NSUN7: variants seen among roughly 807,000 people sequenced by gnomAD.
NSUN7 encodes the protein NOP2/Sun RNA methyltransferase family member 7, also known as protein NSUN7.
Under a neutral mutation model 58.5 loss-of-function variants are expected in NSUN7, and 39 were observed. The observed-to-expected ratio is 0.67, with a 90% CI of 0.52 to 0.87. The LOEUF is 0.87. NSUN7 is among the 40% of genes least tolerant of loss of function. The pLI is 0.00. For synonymous variants in NSUN7, 278 were observed against 303.7 expected (o/e 0.92, Z 0.88); for missense variants, 765 against 844.1 (o/e 0.91, Z 1.16).
chr4:40,754,362 GGT>G (rs1298197237), intron 2 of NSUN7, among the ~76,000 whole-genome samples: 1 of 152,044 alleles, frequency 6.6e-6, no homozygotes. Context: ...TGGCCAGGCT[GGT>G]CTTGAACTCC....
At chr4:40,792,043 C>G (rs1034491301) in intron 8 of NSUN7, among the ~76,000 whole-genome samples, 1 of 152,132 alleles carries the variant, frequency 6.6e-6, no homozygotes, top group African/African-American at 2.4e-5. Context: ...TTTTGACTTG[C>G]TATAGAAAAT....
At chr4:40,776,751 G>A (rs1210342555) in intron 7 of NSUN7, among the ~76,000 whole-genome samples, 1 of 151,992 alleles carries the variant, frequency 6.6e-6, no homozygotes, top group East Asian at 1.9e-4. Context: ...AAGTAGCTGT[G>A]ACTACAGGCT....
Position 40,778,627 on chromosome 4 carries a change from G to A in NSUN7, c.1036+2368G>A, listed in dbSNP as rs191590562. ...TGGTGCCTTGATCTTCAACTTCCTA[G>A]TCTCCAGACTTGTGAGAAATAAAAT... On this transcript the variant is annotated intron_variant, in intron 7 of 11. Coordinates refer to ENST00000381782, the MANE Select transcript of NSUN7 (RefSeq NM_024677.6). Among the ~76,000 whole-genome samples the A allele has an allele frequency of 4.0e-3, 606 of 152,268 alleles. 3 individuals carry two copies. Among genetic ancestry groups the A allele is most frequent in the African/African-American group, 0.013 (529 of 41,538 alleles).
intron 4 of NSUN7, among the ~76,000 whole-genome samples, chr4:40,763,961 G>T (rs1741583016): frequency 6.6e-6 from 1 of 152,254 alleles, no homozygotes; most frequent in African/African-American, 2.4e-5. Flanking sequence ...CCTATGTTTA[G>T]TGATTGAATT....
intron 7 of NSUN7, among the ~76,000 whole-genome samples, chr4:40,780,784 CACATACACATATATAT>C (rs1480018665): frequency 1.1e-3 from 87 of 78,820 alleles, no homozygotes; most frequent in Non-Finnish European, 1.6e-3. Context: ...CACACACACA[CACATACACATATATAT>C]ATATATATAT....
rs1485902919 is a variant in NSUN7 at position 40,783,846 on chromosome 4, T to A, written c.1037-6756T>A. 3.1e-4 allele frequency among the ~76,000 whole-genome samples: 44 copies of A among 142,448 alleles called. 1 individual carries two copies. Among genetic ancestry groups the A allele is most frequent in the Admixed American group, 2.1e-3 (30 of 14,068 alleles). 93.5% of individuals were successfully genotyped at this position (142,448 alleles called of 152,430 possible). A position where few individuals can be genotyped will look rare whatever the true frequency, so the allele number is the denominator to read the frequency against. On this transcript the variant is annotated intron_variant, in intron 7 of 11. Transcript: ENST00000381782. ...CTAGGCAACAGAGCGAGAATCCATTTAAAAAAAAAAAAAAAGATAACTCAC... is the reference window on the plus strand; with the variant it reads ...CTAGGCAACAGAGCGAGAATCCATTAAAAAAAAAAAAAAAAGATAACTCAC...
At chr4:40,753,654 T>C (rs190528088) in intron 2 of NSUN7, among the ~76,000 whole-genome samples, 16 of 152,322 alleles carry the variant, frequency 1.1e-4, no homozygotes, top group Admixed American at 9.2e-4. Flanking sequence ...GGTAAGATGG[T>C]ATTGTTTACT....
chr4:40,803,295 T>C (rs1331334189), intron 10 of NSUN7, among the ~76,000 whole-genome samples: 1 of 152,212 alleles, frequency 6.6e-6, no homozygotes, highest in African/African-American at 2.4e-5. Context: ...CCTTTGGGTA[T>C]ATACCCAGTA....
At chr4:40,802,467 G>C (rs144530254) in intron 10 of NSUN7, among the ~76,000 whole-genome samples, 1 of 152,282 alleles carries the variant, frequency 6.6e-6, no homozygotes, top group African/African-American at 2.4e-5. Context: ...TAGGGTTCTG[G>C]AGGTCCCTTG....
Position 40,794,542 on chromosome 4 carries a change from C to T in NSUN7, c.1282+66C>T, listed in dbSNP as rs147692505. 1.7e-3 allele frequency: 1,586 copies of T among 957,212 alleles called. 16 individuals are homozygous for T. In the African/African-American group the frequency reaches 0.022, roughly 13 times the overall value. 59.3% of individuals were successfully genotyped at this position (957,212 alleles called of 1,614,324 possible). A position where few individuals can be genotyped will look rare whatever the true frequency, so the allele number is the denominator to read the frequency against. On this transcript the variant is annotated intron_variant, in intron 9 of 11. Coordinates refer to ENST00000381782, the MANE Select transcript of NSUN7 (RefSeq NM_024677.6). ...ACATTTTAGAAATATTAGTCTTTCA[C>T]GATCTATTATAATCAAGCAATGAAG...
chr4:40,787,500 G>A (rs1742887559), intron 7 of NSUN7, among the ~76,000 whole-genome samples: 1 of 152,078 alleles, frequency 6.6e-6, no homozygotes, highest in Non-Finnish European at 1.5e-5. Flanking sequence ...AAGATACTAT[G>A]AGCAATTTTA....
Position 40,808,496 on chromosome 4 carries a change from C to T in NSUN7, c.1714C>T (p.Arg572Ter). The T allele has an allele frequency of 4.5e-6, 7 of 1,559,296 alleles. No individual in the cohort carries two copies. The highest frequency in any genetic ancestry group is 6.1e-6 in the Non-Finnish European group (7 of 1,150,028). Reference sequence around the variant, plus strand: ...AATGAAAATTGCTGAGTTCCTGAATCGAGAAACTAAAGCCAGTGCTAATCT... The same window carrying T: ...AATGAAAATTGCTGAGTTCCTGAATTGAGAAACTAAAGCCAGTGCTAATCT... Reference protein sequence around the residue: ...IQMKIAEFLNRETKASANLSE... With the variant: ...IQMKIAEFLN Residue 572 changes from arginine (R) to a stop codon, truncating the protein, a stop_gained, in exon 12 of 12, where the codon CGA becomes TGA. Transcript: ENST00000381782. LOFTEE classifies it low-confidence loss of function (END_TRUNC).
intron 9 of NSUN7, among the ~76,000 whole-genome samples, chr4:40,796,594 CA>C (rs1382203874): frequency 3.9e-5 from 6 of 152,116 alleles, no homozygotes; most frequent in Non-Finnish European, 8.8e-5. Context: ...CACCTCACTG[CA>C]CTCCAGCCTA....
intron 4 of NSUN7, among the ~76,000 whole-genome samples, chr4:40,761,649 TA>T (rs768508395): frequency 7.9e-5 from 12 of 152,134 alleles, no homozygotes; most frequent in Non-Finnish European, 1.8e-4. Flanking sequence ...AGAAAACATC[TA>T]ACATGAATCA....
At chr4:40,804,270 T>TACTAAA (rs1743725171) in intron 10 of NSUN7, among the ~76,000 whole-genome samples, 1 of 151,740 alleles carries the variant, frequency 6.6e-6, no homozygotes, top group Non-Finnish European at 1.5e-5. Flanking sequence ...CAAAACCCCG[T>TACTAAA]CTCTACTAAA....
At chr4:40,791,798 C>A (rs1464801402) in intron 8 of NSUN7, among the ~76,000 whole-genome samples, 1 of 152,208 alleles carries the variant, frequency 6.6e-6, no homozygotes, top group Middle Eastern at 3.4e-3. Flanking sequence ...ATGTCCCAGG[C>A]AATATTCTAG....
intron 7 of NSUN7, among the ~76,000 whole-genome samples, chr4:40,787,299 A>G (rs1393208439): frequency 6.6e-6 from 1 of 151,978 alleles, no homozygotes; most frequent in East Asian, 1.9e-4. Flanking sequence ...CTCTCCGAGA[A>G]ACACCCAAGA....
intron 7 of NSUN7, among the ~76,000 whole-genome samples, chr4:40,783,567 G>A (rs1226009553): frequency 6.6e-6 from 1 of 152,144 alleles, no homozygotes; most frequent in Non-Finnish European, 1.5e-5. Context: ...GAAAAGACTG[G>A]CCAGGCACGG....
chr4:40,789,236 A>T (rs1223104614), intron 7 of NSUN7, among the ~76,000 whole-genome samples: 1 of 152,220 alleles, frequency 6.6e-6, no homozygotes, highest in African/African-American at 2.4e-5. Flanking sequence ...CATTCTAGGA[A>T]AACAGCAAAA....
Sources: gnomAD v4.1 joint callset for allele counts (sites outside exome capture counted in the v4.1 genomes callset) on GRCh38, gnomAD v4.1.1 for gene constraint, MANE v1.5 for transcripts, NCBI Gene and HGNC (gene_info 2026-07-23, HGNC 2026-07-21) for gene names.